The following TRDN variants were observed in gnomAD, a reference collection of about 807,000 sequenced individuals.
TRDN encodes the protein triadin.
In TRDN, 161 loss-of-function variants were observed where a neutral mutation model predicts 149.7. The observed-to-expected ratio is 1.08, with a 90% CI of 0.95 to 1.23. The LOEUF (loss-of-function observed/expected upper bound fraction) is 1.23. Ranked by LOEUF, TRDN falls within the 50% of genes most tolerant of loss-of-function variation. The probability of loss-of-function intolerance (pLI) is 0.00; values close to 1 mark genes in which losing one functional copy is unlikely to be tolerated. For missense variants in TRDN, 896 were observed against 823.5 expected (o/e 1.09, Z -1.08); for synonymous variants, 294 against 250.5 (o/e 1.17, Z -1.64).
chr6:123,483,139 G>C (rs1190509122), intron 9 of TRDN, among the ~76,000 whole-genome samples: 1 of 149,266 alleles, frequency 6.7e-6, no homozygotes, highest in East Asian at 2.0e-4. Flanking sequence ...GTCTCGCCCT[G>C]TCGCCCAGAC....
chr6:123,301,878 C>CAT (rs1778442427), intron 24 of TRDN, among the ~76,000 whole-genome samples: 1 of 147,466 alleles, frequency 6.8e-6, no homozygotes, highest in African/African-American at 2.5e-5. Flanking sequence ...ATGAAAAATT[C>CAT]ATATGGCGGT....
In TRDN at chr6:123,435,475, T is replaced by C. The variant is rs78230362; in HGVS notation, c.1051+2588A>G. On this transcript the variant is annotated intron_variant, in intron 12 of 40. Transcript: ENST00000334268. ...AAAGAAACGAGTTAAAAACTAGCAC[T>C]AACTGAAACTCAATCTCTCTGTCTC... 7.1e-3 allele frequency among the ~76,000 whole-genome samples: 1,075 copies of C among 151,698 alleles called. 25 individuals carry two copies. The highest frequency in any genetic ancestry group is 0.025 in the African/African-American group (1,025 of 41,364).
intron 18 of TRDN, among the ~76,000 whole-genome samples, chr6:123,376,324 C>T (rs1422488223): frequency 6.6e-6 from 1 of 152,120 alleles, no homozygotes; most frequent in African/African-American, 2.4e-5. Context: ...GTAGACAAAA[C>T]ATTTCTTCCC....
chr6:123,380,206 C>T (rs543500240), intron 16 of TRDN, among the ~76,000 whole-genome samples: 2 of 152,242 alleles, frequency 1.3e-5, no homozygotes, highest in South Asian at 2.1e-4. Flanking sequence ...TGAATGAATG[C>T]GTGAAAAGGC....
chr6:123,383,923 A>G (rs567179319), intron 14 of TRDN, among the ~76,000 whole-genome samples: 1 of 152,268 alleles, frequency 6.6e-6, no homozygotes, highest in South Asian at 2.1e-4. Flanking sequence ...CTTAGTCATC[A>G]TTTGTTAAAC....
chr6:123,613,526 T>A (rs546510398), intron 1 of TRDN, among the ~76,000 whole-genome samples: 96 of 150,304 alleles, frequency 6.4e-4, no homozygotes, highest in African/African-American at 2.3e-3. Flanking sequence ...TAGTTGAAAC[T>A]TTTTTTTTAA....
intron 7 of TRDN, among the ~76,000 whole-genome samples, chr6:123,506,668 T>A (rs1228964515): frequency 6.6e-6 from 1 of 151,972 alleles, no homozygotes; most frequent in Non-Finnish European, 1.5e-5. Flanking sequence ...TTTGTATTTT[T>A]AGTAGAGATG....
rs377688507 is a variant in TRDN at position 123,622,462 on chromosome 6, T to C, written c.22+14292A>G. 2.6e-5 allele frequency among the ~76,000 whole-genome samples: 4 copies of C among 152,170 alleles called. No homozygotes were observed. The East Asian group carries it at 5.8e-4, about 22-fold the overall frequency. On this transcript the variant is annotated intron_variant, in intron 1 of 40. Transcript: ENST00000334268. ...AGTTTTGGGAGGAGTCAAAGTTATA[T>C]GTGAATTTTCGACTGGTAAGTCGGT...
chr6:123,527,638 T>C (rs1171652900), intron 5 of TRDN, among the ~76,000 whole-genome samples: 3 of 151,880 alleles, frequency 2.0e-5, no homozygotes, highest in African/African-American at 7.2e-5. Flanking sequence ...GCCATTTATA[T>C]GAGTCACAAT....
At chr6:123,479,959 C>T (rs905391516) in intron 9 of TRDN, among the ~76,000 whole-genome samples, 2 of 152,016 alleles carry the variant, frequency 1.3e-5, no homozygotes, top group African/African-American at 4.8e-5. Context: ...ATATTTTCAA[C>T]CATCAGTTAT....
chr6:123,533,395 G>A (rs1359961853), intron 4 of TRDN, among the ~76,000 whole-genome samples: 1 of 152,096 alleles, frequency 6.6e-6, no homozygotes, highest in East Asian at 1.9e-4. Flanking sequence ...ATCCAGTGCT[G>A]AAGGCCATCT....
intron 38 of TRDN, among the ~76,000 whole-genome samples, chr6:123,243,790 T>A (rs1776075439): frequency 6.6e-6 from 1 of 152,136 alleles, no homozygotes; most frequent in African/African-American, 2.4e-5. Flanking sequence ...ATGAGCAATT[T>A]TTTTTTGTTA....
At chr6:123,634,855 T>A (rs1786210659) in intron 1 of TRDN, among the ~76,000 whole-genome samples, 1 of 152,006 alleles carries the variant, frequency 6.6e-6, no homozygotes, top group Admixed American at 6.6e-5. Flanking sequence ...AAGAATTAGA[T>A]GGTATTTCTA....
chr6:123,389,784 T>C (rs777596493), intron 13 of TRDN, among the ~76,000 whole-genome samples: 1 of 152,162 alleles, frequency 6.6e-6, no homozygotes, highest in Non-Finnish European at 1.5e-5. Flanking sequence ...ACAAAATGTA[T>C]AGCAGATTTA....
At chr6:123,469,450 C>G (rs980421083) in intron 9 of TRDN, among the ~76,000 whole-genome samples, 1 of 152,154 alleles carries the variant, frequency 6.6e-6, no homozygotes, top group Admixed American at 6.5e-5. Context: ...ATATAATAAT[C>G]AGAGATGTTC....
intron 2 of TRDN, among the ~76,000 whole-genome samples, chr6:123,559,700 C>A (rs1781875182): frequency 6.6e-6 from 1 of 152,186 alleles, no homozygotes; most frequent in African/African-American, 2.4e-5. Flanking sequence ...CCTATAAACT[C>A]TCCTTACAAT....
At chr6:123,401,532 A>G (rs777297006) in intron 12 of TRDN, among the ~76,000 whole-genome samples, 1 of 152,214 alleles carries the variant, frequency 6.6e-6, no homozygotes, top group African/African-American at 2.4e-5. Flanking sequence ...TTACCTAAAC[A>G]TAAGAATTAG....
chr6:123,597,089 C>T (rs1408299229), intron 1 of TRDN, among the ~76,000 whole-genome samples: 1 of 152,086 alleles, frequency 6.6e-6, no homozygotes, highest in African/African-American at 2.4e-5. Context: ...CTGGAGGATT[C>T]ACCATTCTAT....
At chr6:123,557,811 C>G (rs1433471638) in intron 2 of TRDN, among the ~76,000 whole-genome samples, 1 of 150,996 alleles carries the variant, frequency 6.6e-6, no homozygotes, top group Non-Finnish European at 1.5e-5. Context: ...GCACCCCCCC[C>G]ACCCCTTCTC....
Sources: gnomAD v4.1 joint callset for allele counts (sites outside exome capture counted in the v4.1 genomes callset) on GRCh38, gnomAD v4.1.1 for gene constraint, MANE v1.5 for transcripts, NCBI Gene and HGNC (gene_info 2026-07-23, HGNC 2026-07-21) for gene names.